The following VWDE variants were observed in gnomAD, a reference collection of about 807,000 sequenced individuals.
VWDE encodes the protein von Willebrand factor D and EGF domains.
In VWDE, 207 loss-of-function variants were observed where a neutral mutation model predicts 178.4. The observed-to-expected ratio is 1.16, with a 90% confidence interval of 1.04 to 1.30. The LOEUF (loss-of-function observed/expected upper bound fraction) is 1.30, where lower values mean the gene tolerates loss of function less well. VWDE is among the 50% of genes most tolerant of loss of function. The pLI, the probability that VWDE is intolerant of heterozygous loss-of-function variation, is 0.00. For synonymous variants in VWDE, 738 were observed against 651.4 expected, an observed-to-expected ratio of 1.13 and a Z score of -2.02; for missense variants, 2,287 against 1,901.3, an observed-to-expected ratio of 1.20 and a Z score of -3.77.
At chr7:12,377,749 T>G in intron 7 of VWDE, 27 bp downstream of exon 7, 1 of 1,336,752 alleles carries the variant, frequency 7.5e-7, no homozygotes, top group Non-Finnish European at 9.9e-7. Context: ...AATCTAATAA[T>G]AAGATAAAAT....
chr7:12,401,816 T>C (rs1296790647), intron 1 of VWDE, among the ~76,000 whole-genome samples: 1 of 152,112 alleles, frequency 6.6e-6, no homozygotes, highest in Non-Finnish European at 1.5e-5. Context: ...AATGAAAACA[T>C]ACATCCAAAC....
intron 1 of VWDE, among the ~76,000 whole-genome samples, chr7:12,394,079 G>C (rs1784516157): frequency 6.6e-6 from 1 of 152,184 alleles, no homozygotes; most frequent in Non-Finnish European, 1.5e-5. Flanking sequence ...CTGCTCTTGA[G>C]TTAGGATGTC....
Position 12,357,633 on chromosome 7 carries a change from A to T in VWDE, c.3275-118T>A, listed in dbSNP as rs1445341224. On this transcript the variant is annotated intron_variant, in intron 16 of 28. Transcript: ENST00000275358. ...AAGACTGAACTCTGCTAAAAGGTCT[A>T]TTAGCTGCTTTCATTTTTTTTTTTA... 9 of 1,145,216 alleles carry T rather than the reference A, an allele frequency of 7.9e-6. No individual in the cohort carries two copies. The South Asian group carries it at 1.5e-4, about 19-fold the overall frequency. 70.9% of individuals were successfully genotyped at this position (1,145,216 alleles called of 1,614,324 possible).
At chr7:12,348,678 G>A (rs1362664689) in intron 19 of VWDE, among the ~76,000 whole-genome samples, 2 of 148,162 alleles carry the variant, frequency 1.3e-5, no homozygotes, top group Admixed American at 6.7e-5. Context: ...CGATTCCTCA[G>A]GGATCTAGAA....
rs1291930913 is a variant in VWDE, at chr7:12,389,308, T to G, written c.294A>C (p.Ser98=). Residue 98 remains serine (S), a synonymous_variant, in exon 3 of 29, where the codon TCA becomes TCC. Transcript: ENST00000275358. ...QAPIWLSLRD[S]ETLPSPGEIK... ...TCTCCCCAGGAGATGGCAGTGTTTC[T>G]GAATCTCTCAGAGACAGCCAGATGG... is the stretch of plus-strand genomic sequence containing the variant. 22 of 1,551,424 alleles carry G rather than the reference T, an allele frequency of 1.4e-5. No homozygotes were observed. The highest frequency in any genetic ancestry group is 1.8e-5 in the Non-Finnish European group (21 of 1,146,848).
chr7:12,394,318 A>T (rs542937906), intron 1 of VWDE, among the ~76,000 whole-genome samples: 26 of 50,326 alleles, frequency 5.2e-4, no homozygotes, highest in Admixed American at 7.6e-4. Context: ...GAAAAACATT[A>T]AAAATTTTAA....
At position 12,357,445 on chromosome 7, in the gene VWDE, A is replaced by T. The variant is rs999609961; in HGVS notation, c.3345T>A (p.Tyr1115Ter). The part of the protein sequence containing the change: ...LQTFYGENFE[Y>*]QFVAFDPEGS... Reference sequence around the variant, plus strand: ...CTTCTGGATCGAAGGCCACGAACTGATACTCAAAGTTTTCACCATAAAATG... The same window carrying T: ...CTTCTGGATCGAAGGCCACGAACTGTTACTCAAAGTTTTCACCATAAAATG... The change falls in exon 17 of 29, where the codon TAT becomes TAA. Residue 1115 changes from tyrosine to a stop codon, truncating the protein, a stop_gained. Transcript: ENST00000275358. LOFTEE classifies it high-confidence loss of function. The T allele has an allele frequency of 6.4e-7, 1 of 1,552,038 alleles. No homozygotes were observed. The highest frequency in any genetic ancestry group is 8.7e-7 in the Non-Finnish European group (1 of 1,147,082).
chr7:12,333,396 A>C (rs988486244), intron 28 of VWDE, 69 bp downstream of exon 28: 4 of 880,714 alleles, frequency 4.5e-6, no homozygotes, highest in Non-Finnish European at 6.7e-6. Flanking sequence ...ATTAGTAACA[A>C]TTACTAAGTA....
chr7:12,362,535 G>C (rs1782643891), intron 13 of VWDE, among the ~76,000 whole-genome samples: 1 of 152,012 alleles, frequency 6.6e-6, no homozygotes, highest in Admixed American at 6.6e-5. Flanking sequence ...TAATGTTCCA[G>C]GTACGGATAA....
At chr7:12,371,315 A>G (rs2128555924) in intron 10 of VWDE, among the ~76,000 whole-genome samples, 1 of 152,304 alleles carries the variant, frequency 6.6e-6, no homozygotes, top group Admixed American at 6.5e-5. Context: ...AGTTGCCAGT[A>G]GACAAACAGA....
rs989730049 is a variant in VWDE at position 12,359,513 on chromosome 7, T to C, written c.3274+65A>G. ...ATCTTAAACACATTTACGTAACTTC[T>C]GGCTGAAAACCACTTTTAAAATGTC... On this transcript the variant is annotated intron_variant, in intron 16 of 28. Transcript: ENST00000275358. The C allele has an allele frequency of 8.9e-6, 10 of 1,129,788 alleles. No homozygotes were observed. The African/African-American group carries it at 1.6e-4, about 18-fold the overall frequency. 70.0% of individuals were successfully genotyped at this position (1,129,788 alleles called of 1,614,324 possible). A position where few individuals can be genotyped will look rare whatever the true frequency, so the allele number is the denominator to read the frequency against.
Position 12,330,966 on chromosome 7 carries a change from C to T in VWDE, c.*217G>A, listed in dbSNP as rs1299386572. The stretch of plus-strand genomic sequence containing the variant: ...TACATCATCTCAATATGTAAATATC[C>T]TATCCCATCTCAACATCAAATTTAG... On this transcript the variant is annotated 3_prime_UTR_variant, in exon 29 of 29. Coordinates refer to ENST00000275358, the MANE Select transcript of VWDE (RefSeq NM_001135924.3). 4.1e-6 allele frequency: 2 copies of T among 483,674 alleles called. No individual in the cohort carries two copies. Among genetic ancestry groups the T allele is most frequent in the Non-Finnish European group, 3.7e-6 (1 of 271,692 alleles). 30.0% of individuals were successfully genotyped at this position (483,674 alleles called of 1,614,324 possible).
In VWDE at chr7:12,357,327, T is replaced by C; in HGVS notation, c.3463A>G (p.Thr1155Ala). ...TTAAGGCGTACAGTAATTTGTTGGGTAGTTAGTAAATCTGTTTTCCACATA... is the reference window on the plus strand; with the variant it reads ...TTAAGGCGTACAGTAATTTGTTGGGCAGTTAGTAAATCTGTTTTCCACATA... ...LFMWKTDLLT[T>A]QQITVRLNDD... Residue 1155 changes from threonine (T) to alanine (A), a missense_variant, in exon 17 of 29, where the codon ACC (threonine) becomes GCC (alanine). Coordinates refer to ENST00000275358, the MANE Select transcript of VWDE (RefSeq NM_001135924.3). The C allele has an allele frequency of 6.4e-7, 1 of 1,552,198 alleles. No homozygotes were observed. The highest frequency in any genetic ancestry group is 8.7e-7 in the Non-Finnish European group (1 of 1,147,114).
chr7:12,348,843 T>C (rs1449910882), intron 19 of VWDE, among the ~76,000 whole-genome samples: 2 of 151,328 alleles, frequency 1.3e-5, no homozygotes, highest in African/African-American at 4.9e-5. Context: ...CCAACAACGA[T>C]AGACTGGATT....
intron 21 of VWDE, among the ~76,000 whole-genome samples, 188 bp downstream of exon 21, chr7:12,344,007 T>C (rs1474390878): frequency 6.6e-6 from 1 of 152,110 alleles, no homozygotes; most frequent in Non-Finnish European, 1.5e-5. Context: ...ATTTCAGAAA[T>C]TTAATTCTTT....
At chr7:12,380,844 G>A in intron 4 of VWDE, 111 bp from the exon 5 acceptor site, 2 of 1,242,132 alleles carry the variant, frequency 1.6e-6, no homozygotes, top group Non-Finnish European at 2.2e-6. Context: ...GAAAAAGCAA[G>A]CTAAATTTAG....
intron 12 of VWDE, 81 bp downstream of exon 12, chr7:12,369,464 A>G (rs899085249): frequency 7.0e-7 from 1 of 1,420,222 alleles, no homozygotes. Context: ...CTGTTAGGAT[A>G]CTGAGGGTGA....
rs1781954021 is a variant in VWDE at position 12,351,675 on chromosome 7, C to T, written c.3784G>A (p.Val1262Met). Residue 1262 changes from valine to methionine, a missense_variant, in exon 19 of 29, where the codon GTG becomes ATG. By Grantham distance (21) the Val-to-Met change is conservative. Transcript: ENST00000275358. ...CTTTTATCAGATCTTGTGAGAACCA[C>T]AGTTTGTGTAGTAAATTGATTTACA... The part of the protein sequence containing the change: ...QFVNQFTTQT[V>M]VLTRSDKSVN... 6.5e-7 allele frequency: 1 copy of T among 1,548,742 alleles called. No homozygotes were observed. The highest frequency in any genetic ancestry group is 2.0e-5 in the Admixed American group (1 of 50,704).
intron 1 of VWDE, among the ~76,000 whole-genome samples, chr7:12,401,218 G>A (rs1283924876): frequency 6.6e-6 from 1 of 151,902 alleles, no homozygotes; most frequent in African/African-American, 2.4e-5. Flanking sequence ...TTCTACCCAG[G>A]GGGATTAACC....
Sources: allele counts gnomAD v4.1 joint callset (sites outside exome capture counted in the v4.1 genomes callset), GRCh38; gene constraint gnomAD v4.1.1; transcripts MANE v1.5; gene names NCBI Gene and HGNC (gene_info 2026-07-23, HGNC 2026-07-21).